Variants in CRPPA observed in about 807,000 individuals in gnomAD.
The protein encoded by CRPPA is CDP-L-ribitol pyrophosphorylase A.
Under a neutral mutation model 52.0 loss-of-function variants are expected in CRPPA, and 43 were observed. The ratio of observed to expected loss-of-function variants is 0.83; its 90% CI spans 0.65 to 1.07. CRPPA has a LOEUF of 1.07. Ranked by LOEUF, CRPPA falls within the 50% of genes least tolerant of loss-of-function variation. CRPPA has a pLI of 0.00. For missense variants in CRPPA, 629 were observed against 551.7 expected, an observed-to-expected ratio of 1.14 and a Z score of -1.40; for synonymous variants, 250 against 203.5, an observed-to-expected ratio of 1.23 and a Z score of -1.94.
intron 6 of CRPPA, among the ~76,000 whole-genome samples, chr7:16,267,581 C>G (rs994469634): frequency 6.6e-6 from 1 of 152,138 alleles, no homozygotes; most frequent in Non-Finnish European, 1.5e-5. Context: ...CTTACTGAGC[C>G]AAAGCCATTG....
chr7:16,108,304 C>A (rs1228959213), intron 9 of CRPPA, among the ~76,000 whole-genome samples: 1 of 151,596 alleles, frequency 6.6e-6, no homozygotes, highest in Non-Finnish European at 1.5e-5. Context: ...AAAAGGAAAC[C>A]AAAAGATAGC....
intron 8 of CRPPA, among the ~76,000 whole-genome samples, chr7:16,235,677 G>T (rs1356160624): frequency 6.6e-6 from 1 of 151,974 alleles, no homozygotes; most frequent in Non-Finnish European, 1.5e-5. Context: ...AGTAAAAGAA[G>T]GTATCTTAGA....
intron 8 of CRPPA, among the ~76,000 whole-genome samples, chr7:16,256,861 T>C (rs1179391996): frequency 3.3e-5 from 5 of 152,080 alleles, no homozygotes; most frequent in Admixed American, 6.6e-5. Context: ...TGTATACCTA[T>C]GTAATAAACC....
intron 3 of CRPPA, among the ~76,000 whole-genome samples, chr7:16,328,115 T>G (rs1214951522): frequency 1.3e-5 from 2 of 152,224 alleles, no homozygotes; most frequent in African/African-American, 4.8e-5. Flanking sequence ...GAACCACATG[T>G]CCATTTATTA....
intron 8 of CRPPA, among the ~76,000 whole-genome samples, chr7:16,232,466 G>A (rs1782826910): frequency 6.6e-6 from 1 of 152,150 alleles, no homozygotes; most frequent in Non-Finnish European, 1.5e-5. Flanking sequence ...ACTAAGGGAT[G>A]ATCTTCACCA....
At chr7:16,393,528 T>C (rs1315631417) in intron 2 of CRPPA, among the ~76,000 whole-genome samples, 2 of 152,120 alleles carry the variant, frequency 1.3e-5, no homozygotes, top group African/African-American at 4.8e-5. Flanking sequence ...AAGACTTACC[T>C]TTGTAGCAAA....
At chr7:16,294,316 C>T (rs1784628169) in intron 5 of CRPPA, among the ~76,000 whole-genome samples, 1 of 151,734 alleles carries the variant, frequency 6.6e-6, no homozygotes, top group African/African-American at 2.4e-5. Context: ...TAACTAGTTG[C>T]TTAATACCTC....
At chr7:16,297,510 T>A (rs897326504) in intron 5 of CRPPA, among the ~76,000 whole-genome samples, 1 of 152,198 alleles carries the variant, frequency 6.6e-6, no homozygotes, top group African/African-American at 2.4e-5. Context: ...TAGCCTATTA[T>A]GCAATTCAAT....
At chr7:16,414,012 G>A (rs1329256606) in intron 1 of CRPPA, among the ~76,000 whole-genome samples, 1 of 152,132 alleles carries the variant, frequency 6.6e-6, no homozygotes, top group Admixed American at 6.5e-5. Flanking sequence ...CTATCATAAG[G>A]TCTAGAATAC....
intron 3 of CRPPA, among the ~76,000 whole-genome samples, chr7:16,369,613 A>G (rs1786696503): frequency 6.6e-6 from 1 of 152,224 alleles, no homozygotes. Flanking sequence ...ACCAAAAAAG[A>G]TATATCAGGT....
chr7:16,341,871 GCTGT>G (rs1226555016), intron 3 of CRPPA, among the ~76,000 whole-genome samples: 1 of 152,126 alleles, frequency 6.6e-6, no homozygotes, highest in Non-Finnish European at 1.5e-5. Context: ...TGTAGAATCT[GCTGT>G]CTAACTTCCC....
intron 6 of CRPPA, among the ~76,000 whole-genome samples, chr7:16,259,940 T>C (rs934750788): frequency 6.6e-6 from 1 of 152,112 alleles, no homozygotes; most frequent in Non-Finnish European, 1.5e-5. Context: ...GTCTTAGCTT[T>C]ACTCTAGAAA....
At chr7:16,202,402 T>C (rs1434764954) in intron 9 of CRPPA, among the ~76,000 whole-genome samples, 3 of 152,196 alleles carry the variant, frequency 2.0e-5, no homozygotes, top group South Asian at 2.1e-4. Flanking sequence ...ATCTATGATG[T>C]CCTTATACAG....
chr7:16,387,530 G>A (rs963613632), intron 2 of CRPPA, among the ~76,000 whole-genome samples: 9 of 149,408 alleles, frequency 6.0e-5, no homozygotes, highest in Non-Finnish European at 7.4e-5. Flanking sequence ...ATATTAAAAC[G>A]AATGGATCAA....
chr7:16,319,303 C>A (rs917111164), intron 3 of CRPPA, among the ~76,000 whole-genome samples: 1 of 152,084 alleles, frequency 6.6e-6, no homozygotes, highest in Non-Finnish European at 1.5e-5. Context: ...TTTTATATTC[C>A]TGAAAAGGTC....
intron 5 of CRPPA, among the ~76,000 whole-genome samples, chr7:16,299,811 C>T (rs1293662421): frequency 6.6e-6 from 1 of 152,072 alleles, no homozygotes; most frequent in Non-Finnish European, 1.5e-5. Flanking sequence ...AGTCATAGCC[C>T]CTGCAATAAC....
intron 3 of CRPPA, among the ~76,000 whole-genome samples, chr7:16,361,773 G>A (rs1786451257): frequency 6.6e-6 from 1 of 152,198 alleles, no homozygotes; most frequent in South Asian, 2.1e-4. Context: ...ACAAAAGTGT[G>A]AATGTACTTA....
At chr7:16,244,020 T>C (rs1305161864) in intron 8 of CRPPA, among the ~76,000 whole-genome samples, 1 of 152,162 alleles carries the variant, frequency 6.6e-6, no homozygotes. Context: ...CATACTATTA[T>C]ATAATGTCTA....
At chr7:16,318,939 T>C (rs892137295) in intron 3 of CRPPA, among the ~76,000 whole-genome samples, 1 of 152,190 alleles carries the variant, frequency 6.6e-6, no homozygotes, top group Non-Finnish European at 1.5e-5. Context: ...AATTACATTC[T>C]TGTGATGCTG....
Sources: allele counts gnomAD v4.1 joint callset (sites outside exome capture counted in the v4.1 genomes callset), GRCh38; gene constraint gnomAD v4.1.1; transcripts MANE v1.5; gene names NCBI Gene and HGNC (gene_info 2026-07-23, HGNC 2026-07-21).